Variants in EXOC6B observed in about 807,000 individuals in gnomAD.
EXOC6B encodes the protein exocyst complex component 6B, also known as SEC15 homolog B.
A neutral mutation model predicts 113.5 loss-of-function variants in EXOC6B; 54 were observed. The ratio of observed to expected loss-of-function variants is 0.48; its 90% CI spans 0.38 to 0.60. The LOEUF (loss-of-function observed/expected upper bound fraction) is 0.60. EXOC6B is among the 20% of genes least tolerant of loss of function. EXOC6B has a pLI of 0.00. For synonymous variants in EXOC6B, 357 were observed against 339.0 expected (o/e 1.05, Z -0.58); for missense variants, 797 against 977.5 (o/e 0.82, Z 2.46).
At chr2:72,816,536 G>A (rs1686259506) in intron 1 of EXOC6B, among the ~76,000 whole-genome samples, 1 of 152,042 alleles carries the variant, frequency 6.6e-6, no homozygotes, top group Non-Finnish European at 1.5e-5. Flanking sequence ...GAAATAGAAG[G>A]AATGAGACAA....
chr2:72,651,554 C>T (rs1307113286), intron 6 of EXOC6B, among the ~76,000 whole-genome samples: 1 of 152,192 alleles, frequency 6.6e-6, no homozygotes, highest in Admixed American at 6.5e-5. Context: ...AACAGCAAAA[C>T]TGCAATTACT....
At chr2:72,560,227 G>T (rs1350417953) in intron 7 of EXOC6B, among the ~76,000 whole-genome samples, 1 of 151,792 alleles carries the variant, frequency 6.6e-6, no homozygotes, top group African/African-American at 2.4e-5. Flanking sequence ...GATTTGCTAT[G>T]TGATCTGACA....
rs924215735 is a variant in EXOC6B, at chr2:72,377,980, G to T, written c.2122+1749C>A. Among the ~76,000 whole-genome samples, 108 of 151,106 alleles carry T rather than the reference G, an allele frequency of 7.1e-4. 1 individual carries two copies. Among genetic ancestry groups the T allele is most frequent in the Admixed American group, 1.2e-3 (19 of 15,234 alleles). ...ATACAATTAAGAAAAAAAAAACAGA[G>T]GAGCTCCTCCTCTAGAGCTTTGAGT... On this transcript the variant is annotated intron_variant, in intron 19 of 21. Coordinates refer to ENST00000272427, the MANE Select transcript of EXOC6B (RefSeq NM_015189.3).
At chr2:72,245,564 A>C (rs1682599273) in intron 20 of EXOC6B, among the ~76,000 whole-genome samples, 1 of 152,238 alleles carries the variant, frequency 6.6e-6, no homozygotes, top group Non-Finnish European at 1.5e-5. Context: ...CCAATCTGAA[A>C]AGGCTATATG....
chr2:72,317,559 T>TCACA (rs72124979), intron 20 of EXOC6B, among the ~76,000 whole-genome samples: 14,763 of 140,544 alleles, frequency 0.11, 756 homozygotes, highest in African/African-American at 0.14. Context: ...TATGAACACA[T>TCACA]CACACACACA....
At chr2:72,469,159 A>C (rs764768810) in intron 17 of EXOC6B, among the ~76,000 whole-genome samples, 1 of 152,066 alleles carries the variant, frequency 6.6e-6, no homozygotes, top group Non-Finnish European at 1.5e-5. Flanking sequence ...TGGGTACTTA[A>C]AAATGCATAA....
At chr2:72,527,253 G>A (rs1054640396) in intron 8 of EXOC6B, among the ~76,000 whole-genome samples, 9 of 151,954 alleles carry the variant, frequency 5.9e-5, no homozygotes, top group African/African-American at 2.2e-4. Flanking sequence ...CACTTTTTAA[G>A]TTATTTTAAA....
chr2:72,440,561 C>T (rs1278758302), intron 18 of EXOC6B, among the ~76,000 whole-genome samples: 1 of 152,206 alleles, frequency 6.6e-6, no homozygotes, highest in Admixed American at 6.5e-5. Context: ...AGAACATTAC[C>T]AGCCACTGCA....
At position 72,823,459 on chromosome 2, in the gene EXOC6B, G is replaced by GAAAAAAAAAAA. The variant is rs1237385156; in HGVS notation, c.113+2328_113+2338dup. ...CCAACTTCTCAAATCAAAGTTTTAA[G>GAAAAAAAAAAA]AAAAAAAAAAAAAAAAAAACAAAAA... is the stretch of plus-strand genomic sequence containing the variant. On this transcript the variant is annotated intron_variant, in intron 1 of 21. Coordinates refer to ENST00000272427, the MANE Select transcript of EXOC6B (RefSeq NM_015189.3). Among the ~76,000 whole-genome samples the GAAAAAAAAAAA allele has an allele frequency of 5.1e-4, 36 of 69,964 alleles. 6 individuals carry two copies. The highest frequency in any genetic ancestry group is 1.7e-3 in the Admixed American group (9 of 5,198). 45.9% of individuals were successfully genotyped at this position (69,964 alleles called of 152,430 possible). A position where few individuals can be genotyped will look rare whatever the true frequency, so the allele number is the denominator to read the frequency against.
intron 1 of EXOC6B, among the ~76,000 whole-genome samples, chr2:72,794,907 G>A (rs1009923764): frequency 1.3e-5 from 2 of 152,192 alleles, no homozygotes; most frequent in African/African-American, 4.8e-5. Flanking sequence ...GGGAGGAAAG[G>A]AAAGAGATGA....
At chr2:72,376,342 T>C (rs972915368) in intron 19 of EXOC6B, among the ~76,000 whole-genome samples, 1 of 152,192 alleles carries the variant, frequency 6.6e-6, no homozygotes, top group Non-Finnish European at 1.5e-5. Context: ...AGAGTTTTCA[T>C]TGACAGGTTT....
Position 72,177,560 on chromosome 2 carries a change from G to A in EXOC6B, c.*1775C>T, listed in dbSNP as rs1181601937. On this transcript the variant is annotated 3_prime_UTR_variant, in exon 22 of 22. Transcript: ENST00000272427. ...TCCCTTACCCTCATTCTGAAACCCT[G>A]GCCAACCATCCAGCCCTCAGGATGA... 1 of 152,182 alleles carries A rather than the reference G, an allele frequency of 6.6e-6. No individual in the cohort carries two copies. Among genetic ancestry groups the A allele is most frequent in the Non-Finnish European group, 1.5e-5 (1 of 68,040 alleles). 9.4% of individuals were successfully genotyped at this position (152,182 alleles called of 1,614,324 possible).
intron 20 of EXOC6B, among the ~76,000 whole-genome samples, chr2:72,214,132 T>C (rs746845023): frequency 2.6e-5 from 4 of 152,094 alleles, no homozygotes; most frequent in Non-Finnish European, 4.4e-5. Flanking sequence ...TGTCATCTGA[T>C]ATTATTGAAA....
intron 20 of EXOC6B, among the ~76,000 whole-genome samples, chr2:72,308,715 C>G (rs1199963088): frequency 6.6e-6 from 1 of 152,118 alleles, no homozygotes; most frequent in African/African-American, 2.4e-5. Context: ...TTGTTCAAGG[C>G]TAATAGCAAT....
At chr2:72,259,218 G>T (rs1252326053) in intron 20 of EXOC6B, among the ~76,000 whole-genome samples, 1 of 152,088 alleles carries the variant, frequency 6.6e-6, no homozygotes, top group Admixed American at 6.6e-5. Context: ...TTCCCGCCTA[G>T]ATTAGTTTTG....
At chr2:72,741,563 G>A (rs1011758289) in intron 1 of EXOC6B, 94 bp from the exon 2 acceptor site, 15 of 1,103,564 alleles carry the variant, frequency 1.4e-5, no homozygotes, top group Non-Finnish European at 1.9e-5. Context: ...GGGCACATAA[G>A]CCACAAAATA....
At chr2:72,688,853 T>C (rs1677284087) in intron 6 of EXOC6B, among the ~76,000 whole-genome samples, 1 of 152,190 alleles carries the variant, frequency 6.6e-6, no homozygotes, top group African/African-American at 2.4e-5. Context: ...GGTCCAAACA[T>C]TATCAAGCAC....
chr2:72,216,357 C>A (rs1477770065), intron 20 of EXOC6B, among the ~76,000 whole-genome samples: 1 of 152,186 alleles, frequency 6.6e-6, no homozygotes, highest in Non-Finnish European at 1.5e-5. Context: ...CAATGATATA[C>A]CATCTCACAC....
rs1573860093 is a variant in EXOC6B, at chr2:72,825,664, G to T, written c.113+134C>A. ...GGGGCTGCGAAGGGAGACCCGCCTC[G>T]CCCGGTATGCAGGGTCTCTCCGAAG... On this transcript the variant is annotated intron_variant, in intron 1 of 21. Coordinates refer to ENST00000272427, the MANE Select transcript of EXOC6B (RefSeq NM_015189.3). The surrounding 1 kb of genome is among the most constrained non-coding windows in gnomAD (Gnocchi z 4.4). 9 of 1,117,756 alleles carry T rather than the reference G, an allele frequency of 8.1e-6. No individual in the cohort carries two copies. The East Asian group carries it at 2.1e-4, about 26-fold the overall frequency. The allele number at this position is 1,117,756 out of a possible 1,614,324, so 69.2% of individuals were successfully genotyped here.
Sources: gnomAD v4.1 joint callset for allele counts (sites outside exome capture counted in the v4.1 genomes callset) on GRCh38, gnomAD v4.1.1 for gene constraint, Gnocchi (gnomAD v3.1) non-coding constraint, MANE v1.5 for transcripts, NCBI Gene and HGNC (gene_info 2026-07-23, HGNC 2026-07-21) for gene names.